ZZEF1: variants seen among roughly 807,000 people sequenced by gnomAD.
ZZEF1 encodes the protein zinc finger ZZ-type and EF-hand domain containing 1.
In ZZEF1, 157 loss-of-function variants were observed where a neutral mutation model predicts 342.8. That is an observed-to-expected ratio of 0.46 (90% CI 0.40 to 0.52). The LOEUF (loss-of-function observed/expected upper bound fraction) is 0.52. Ranked by LOEUF, ZZEF1 falls within the 20% of genes least tolerant of loss-of-function variation. ZZEF1 has a pLI of 0.00. For missense variants in ZZEF1, 3,480 were observed against 3,725.6 expected (o/e 0.93, Z 1.72); for synonymous variants, 1,505 against 1,429.1 (o/e 1.05, Z -1.20).
chr17:4,068,669 C>G (rs968714220), intron 26 of ZZEF1, among the ~76,000 whole-genome samples: 3 of 152,194 alleles, frequency 2.0e-5, no homozygotes, highest in Non-Finnish European at 4.4e-5. Context: ...TATACTAGAA[C>G]AGCATGAAGC....
At chr17:4,118,468 A>T (rs910827466) in intron 2 of ZZEF1, among the ~76,000 whole-genome samples, 1 of 152,194 alleles carries the variant, frequency 6.6e-6, no homozygotes, top group African/African-American at 2.4e-5. Flanking sequence ...GGCTCCAAAC[A>T]GCATCCCTGT....
chr17:4,038,214 G>A (rs572227766), intron 39 of ZZEF1, among the ~76,000 whole-genome samples: 7 of 152,264 alleles, frequency 4.6e-5, no homozygotes, highest in Non-Finnish European at 7.4e-5. Context: ...AGTGTGAACC[G>A]GTACAAACAT....
chr17:4,109,591 T>G, intron 6 of ZZEF1, 62 bp downstream of exon 6: 2 of 1,566,468 alleles, frequency 1.3e-6, no homozygotes, highest in Non-Finnish European at 1.8e-6. Flanking sequence ...TGATACGCCC[T>G]AAAGGATGAT....
chr17:4,058,341 C>T (rs1452217306), intron 31 of ZZEF1, among the ~76,000 whole-genome samples, 186 bp from the exon 32 acceptor site: 2 of 152,190 alleles, frequency 1.3e-5, no homozygotes, highest in Non-Finnish European at 2.9e-5. Flanking sequence ...CAAAATAACT[C>T]TGAAAAGTGT....
At position 4,017,508 on chromosome 17, in the gene ZZEF1, C is replaced by T. The variant is rs1223015465; in HGVS notation, c.7864G>A (p.Val2622Met). 2.5e-6 allele frequency: 4 copies of T among 1,614,144 alleles called. No homozygotes were observed. Among genetic ancestry groups the T allele is most frequent in the South Asian group, 1.1e-5 (1 of 91,096 alleles). ...CACTCGGCGAGCAGGGATGCAAGCACGTGGCGGGCGTACAGGACAGCTGTG... is the reference window on the plus strand; with the variant it reads ...CACTCGGCGAGCAGGGATGCAAGCATGTGGCGGGCGTACAGGACAGCTGTG... ...EATAVLYARH[V>M]LASLLAEWPS... is the part of the protein sequence containing the mutation. The change falls in exon 48 of 55, where the codon GTG becomes ATG. Residue 2622 changes from valine (V) to methionine (M), a missense_variant. Physicochemically the swap from Val to Met is conservative, Grantham distance 21. Transcript: ENST00000381638. This position sits in a 1 kb window ranked among gnomAD's most constrained non-coding sequence, Gnocchi z 5.1.
chr17:4,091,850 G>A (rs1007210354), intron 11 of ZZEF1, among the ~76,000 whole-genome samples: 1 of 151,212 alleles, frequency 6.6e-6, no homozygotes, highest in African/African-American at 2.4e-5. Flanking sequence ...GCTGAGGCAG[G>A]CAGAGCACCT....
At position 4,080,453 on chromosome 17, in the gene ZZEF1, C is replaced by T. The variant is rs1246888879; in HGVS notation, c.2829+923G>A. Among the ~76,000 whole-genome samples the T allele has an allele frequency of 2.0e-5, 3 of 152,200 alleles. No individual in the cohort carries two copies. The East Asian group carries it at 5.8e-4, about 29-fold the overall frequency. ...CTCCCAGGTTCAAGCGATTCTCCTG[C>T]CTCAGCCTCCCGAGTAGCTGGGATT... On this transcript the variant is annotated intron_variant, in intron 18 of 54. Coordinates refer to ENST00000381638, the MANE Select transcript of ZZEF1 (RefSeq NM_015113.4).
intron 42 of ZZEF1, among the ~76,000 whole-genome samples, chr17:4,031,306 A>C (rs994801658): frequency 2.0e-5 from 3 of 150,476 alleles, no homozygotes; most frequent in Non-Finnish European, 4.4e-5. Flanking sequence ...ACAGAGTGAG[A>C]CTTGGTCTCA....
intron 8 of ZZEF1, among the ~76,000 whole-genome samples, chr17:4,102,616 A>G (rs2058145682): frequency 1.3e-5 from 2 of 152,272 alleles, no homozygotes; most frequent in Admixed American, 1.3e-4. Context: ...GACAAAGTAC[A>G]GCTATGGCCC....
In ZZEF1 at chr17:4,142,933, G is replaced by A. The variant is rs1188188249; in HGVS notation, c.-38C>T. The A allele has an allele frequency of 4.6e-6, 6 of 1,300,894 alleles. No individual in the cohort carries two copies. In the African/African-American group the frequency reaches 4.6e-5, roughly 10 times the overall value. 80.6% of individuals were successfully genotyped at this position (1,300,894 alleles called of 1,614,324 possible). On this transcript the variant is annotated 5_prime_UTR_variant, in exon 1 of 55. Transcript: ENST00000381638. ...TTGGGCGCCTGGCTCTGCAGCCGCC[G>A]CCGCCGCCTCCCCGCCTCGACCTGT...
rs951286048 is a variant in ZZEF1 at position 4,016,216 on chromosome 17, G to A, written c.8145+107C>T. 19 of 1,367,158 alleles carry A rather than the reference G, an allele frequency of 1.4e-5. No individual in the cohort carries two copies. The highest frequency in any genetic ancestry group is 4.6e-5 in the East Asian group (2 of 43,500). 84.7% of individuals were successfully genotyped at this position (1,367,158 alleles called of 1,614,324 possible). A position where few individuals can be genotyped will look rare whatever the true frequency, so the allele number is the denominator to read the frequency against. On this transcript the variant is annotated intron_variant, in intron 49 of 54. Coordinates refer to ENST00000381638, the MANE Select transcript of ZZEF1 (RefSeq NM_015113.4). The surrounding 1 kb of genome is among the most constrained non-coding windows in gnomAD (Gnocchi z 4.4). ...CCTGGACAGGTCTCTGCTGTCCAGC[G>A]GGAGAGAGCCACAGAGGGGCTGAGC... is the stretch of plus-strand genomic sequence containing the variant.
chr17:4,098,163 G>T (rs760977659), intron 9 of ZZEF1, among the ~76,000 whole-genome samples: 1 of 150,904 alleles, frequency 6.6e-6, no homozygotes, highest in African/African-American at 2.4e-5. Flanking sequence ...GCTTGAACCC[G>T]GGAGGCGGAG....
At chr17:4,121,386 G>A (rs1442128861) in intron 2 of ZZEF1, among the ~76,000 whole-genome samples, 1 of 152,208 alleles carries the variant, frequency 6.6e-6, no homozygotes, top group African/African-American at 2.4e-5. Flanking sequence ...CACTTTGGGA[G>A]GCCAAGACAG....
At chr17:4,033,211 G>A (rs925546847) in intron 40 of ZZEF1, 1 of 487,098 alleles carries the variant, frequency 2.1e-6, no homozygotes, top group East Asian at 2.9e-5. Flanking sequence ...CCCTACGGCT[G>A]TGTTTCCAAA....
intron 38 of ZZEF1, 78 bp from the exon 39 acceptor site, chr17:4,042,646 C>A: frequency 7.4e-7 from 1 of 1,353,028 alleles, no homozygotes. Flanking sequence ...CTGCACTGTC[C>A]CCTGTGCTGC....
intron 15 of ZZEF1, 129 bp from the exon 16 acceptor site, chr17:4,085,932 T>C (rs2057810391): frequency 3.3e-6 from 4 of 1,216,964 alleles, no homozygotes; most frequent in Non-Finnish European, 3.4e-6. Context: ...AGTATTTCTG[T>C]ACAGGCCAGG....
intron 37 of ZZEF1, among the ~76,000 whole-genome samples, chr17:4,048,873 AT>A (rs71144157): frequency 0.026 from 3,533 of 133,692 alleles, 53 homozygotes; most frequent in African/African-American, 0.057. Flanking sequence ...AGCCTGGATA[AT>A]TTTTTTTTTT....
intron 34 of ZZEF1, among the ~76,000 whole-genome samples, chr17:4,053,009 C>A (rs922826459): frequency 1.2e-4 from 19 of 152,210 alleles, no homozygotes; most frequent in African/African-American, 4.3e-4. Flanking sequence ...GTCATGGACC[C>A]TAAAGAATGC....
At chr17:4,007,630 C>T (rs944288245) in intron 54 of ZZEF1, among the ~76,000 whole-genome samples, 2 of 152,136 alleles carry the variant, frequency 1.3e-5, no homozygotes, top group African/African-American at 2.4e-5. Context: ...ATCAAAATTT[C>T]GTTACATGAT....
Sources: gnomAD v4.1 joint callset for allele counts (sites outside exome capture counted in the v4.1 genomes callset) on GRCh38, gnomAD v4.1.1 for gene constraint, Gnocchi (gnomAD v3.1) non-coding constraint, MANE v1.5 for transcripts, NCBI Gene and HGNC (gene_info 2026-07-23, HGNC 2026-07-21) for gene names.